The following MEIKIN variants were observed in gnomAD, a reference collection of about 807,000 sequenced individuals.
The protein encoded by MEIKIN is meiosis-specific kinetochore protein.
intron 9 of MEIKIN, among the ~76,000 whole-genome samples, chr5:131,857,774 G>T (rs111966295): frequency 1.6e-4 from 24 of 152,250 alleles, no homozygotes; most frequent in African/African-American, 5.8e-4. Flanking sequence ...GCCCGCAAGC[G>T]CAGGTGACCA....
chr5:131,907,761 A>T (rs1751267198), intron 8 of MEIKIN, among the ~76,000 whole-genome samples: 1 of 151,964 alleles, frequency 6.6e-6, no homozygotes, highest in African/African-American at 2.4e-5. Context: ...AATCCCAGCT[A>T]CTCAGGAGGC....
At chr5:131,826,033 A>G (rs952977491) in intron 11 of MEIKIN, among the ~76,000 whole-genome samples, 3 of 150,862 alleles carry the variant, frequency 2.0e-5, no homozygotes, top group South Asian at 4.2e-4. Flanking sequence ...ACAATCTACC[A>G]CCAAAGACCT....
chr5:131,870,443 G>A (rs1024551162), intron 9 of MEIKIN, among the ~76,000 whole-genome samples: 3 of 151,766 alleles, frequency 2.0e-5, no homozygotes, highest in African/African-American at 4.8e-5. Flanking sequence ...ATTGACCTGG[G>A]CCCACTTCTC....
intron 12 of MEIKIN, among the ~76,000 whole-genome samples, chr5:131,815,668 C>T (rs1370815419): frequency 6.6e-6 from 1 of 152,210 alleles, no homozygotes; most frequent in Non-Finnish European, 1.5e-5. Context: ...AACTACTACT[C>T]CACAATGGTG....
intron 11 of MEIKIN, among the ~76,000 whole-genome samples, chr5:131,823,396 CCTCT>C (rs56703684): frequency 0.026 from 4,016 of 151,910 alleles, 181 homozygotes; most frequent in African/African-American, 0.092. Flanking sequence ...TCTTTTGTCT[CCTCT>C]CTGTCTTTTC....
chr5:131,845,272 TAAAAAAAAAAAAA>T (rs1158220526), intron 11 of MEIKIN, among the ~76,000 whole-genome samples: 1 of 45,350 alleles, frequency 2.2e-5, no homozygotes, highest in African/African-American at 1.4e-4. Context: ...GACTTCGTCT[TAAAAAAAAAAAAA>T]AAAAAAAAAA....
intron 11 of MEIKIN, among the ~76,000 whole-genome samples, chr5:131,834,439 T>C (rs1308448994): frequency 6.6e-6 from 1 of 152,170 alleles, no homozygotes; most frequent in Non-Finnish European, 1.5e-5. Context: ...TCCCAGAACA[T>C]ACACATTTTA....
At chr5:131,839,214 T>G (rs927591094) in intron 11 of MEIKIN, among the ~76,000 whole-genome samples, 1 of 152,130 alleles carries the variant, frequency 6.6e-6, no homozygotes, top group African/African-American at 2.4e-5. Context: ...GTAGTCCAAA[T>G]GATTGTTTTT....
rs1425640883 is a variant in MEIKIN at position 131,818,783 on chromosome 5, A to G, written c.1056T>C (p.Ile352=). ...GAAGAGAATATTTCTTCTTCTTTAC[A>G]ATAACACCTTTATTTTTCACTTGTC... ...GTRQVKNKGV[I]VKKKKYSLPK... is the part of the protein sequence containing the mutation. The change falls in exon 12 of 13, where the codon ATT becomes ATC. Residue 352 remains isoleucine, a synonymous_variant. Coordinates refer to ENST00000442687, the MANE Select transcript of MEIKIN (RefSeq NM_001303622.2). The G allele has an allele frequency of 2.0e-5, 8 of 398,070 alleles. No individual in the cohort carries two copies. The highest frequency in any genetic ancestry group is 2.2e-5 in the Non-Finnish European group (5 of 225,832). The allele number at this position is 398,070 out of a possible 1,614,324, so 24.7% of individuals were successfully genotyped here. A position where few individuals can be genotyped will look rare whatever the true frequency, so the allele number is the denominator to read the frequency against.
At chr5:131,884,787 C>T (rs1026467087) in intron 8 of MEIKIN, among the ~76,000 whole-genome samples, 1 of 151,208 alleles carries the variant, frequency 6.6e-6, no homozygotes, top group Non-Finnish European at 1.5e-5. Context: ...TGCCCTGGGC[C>T]AGAGAGGAGT....
At chr5:131,833,766 C>A (rs1276238464) in intron 11 of MEIKIN, among the ~76,000 whole-genome samples, 3 of 152,178 alleles carry the variant, frequency 2.0e-5, no homozygotes, top group Non-Finnish European at 4.4e-5. Context: ...TATGGGAATT[C>A]TGAGACATAC....
chr5:131,817,471 C>T (rs1031191508), intron 12 of MEIKIN, among the ~76,000 whole-genome samples: 7 of 151,990 alleles, frequency 4.6e-5, no homozygotes, highest in African/African-American at 1.7e-4. Flanking sequence ...AAAAAATTAG[C>T]CGGGCGTGGT....
At chr5:131,879,525 T>G (rs765959544) in intron 8 of MEIKIN, among the ~76,000 whole-genome samples, 6 of 152,278 alleles carry the variant, frequency 3.9e-5, no homozygotes, top group African/African-American at 2.4e-5. Context: ...ATCAGCATTT[T>G]AAACATTCTC....
At chr5:131,900,886 C>T (rs892719347) in intron 8 of MEIKIN, among the ~76,000 whole-genome samples, 1 of 152,168 alleles carries the variant, frequency 6.6e-6, no homozygotes, top group African/African-American at 2.4e-5. Context: ...CATGCCCTCC[C>T]CCTGCTGCAG....
At chr5:131,913,530 C>G (rs191989675) in intron 7 of MEIKIN, among the ~76,000 whole-genome samples, 1 of 152,302 alleles carries the variant, frequency 6.6e-6, no homozygotes, top group East Asian at 1.9e-4. Flanking sequence ...GGAGAAGACT[C>G]CTCGCTCCAT....
At chr5:131,857,296 G>A (rs1288123372) in intron 9 of MEIKIN, among the ~76,000 whole-genome samples, 1 of 152,112 alleles carries the variant, frequency 6.6e-6, no homozygotes, top group East Asian at 1.9e-4. Context: ...ATGATTTTCT[G>A]GAAAAAAATA....
intron 4 of MEIKIN, among the ~76,000 whole-genome samples, chr5:131,935,267 C>CAAAAAAAAAAAAAAAAAAA (rs749135114): frequency 5.5e-5 from 2 of 36,652 alleles, no homozygotes; most frequent in Admixed American, 3.3e-4. Flanking sequence ...CCCGTCTCTA[C>CAAAAAAAAAAAAAAAAAAA]AAAAAAAAAA....
At chr5:131,884,216 C>G (rs1750740415) in intron 8 of MEIKIN, among the ~76,000 whole-genome samples, 1 of 152,128 alleles carries the variant, frequency 6.6e-6, no homozygotes, top group Non-Finnish European at 1.5e-5. Flanking sequence ...GCCAAGGCAG[C>G]TAAGGGAGTG....
intron 11 of MEIKIN, among the ~76,000 whole-genome samples, chr5:131,834,444 A>G (rs932622148): frequency 1.3e-5 from 2 of 152,168 alleles, no homozygotes; most frequent in Non-Finnish European, 2.9e-5. Flanking sequence ...GAACATACAC[A>G]TTTTATAACT....
Sources: gnomAD v4.1 joint callset for allele counts (sites outside exome capture counted in the v4.1 genomes callset) on GRCh38, gnomAD v4.1.1 for gene constraint, MANE v1.5 for transcripts, NCBI Gene and HGNC (gene_info 2026-07-23, HGNC 2026-07-21) for gene names.